The following NDC80 variants were observed in gnomAD, a reference collection of about 807,000 sequenced individuals.
NDC80 encodes NDC80 kinetochore complex component.
A neutral mutation model predicts 89.3 loss-of-function variants in NDC80; 69 were observed. The ratio of observed to expected loss-of-function variants is 0.77; its 90% CI spans 0.64 to 0.94. NDC80 has a LOEUF of 0.94. Ranked by LOEUF, NDC80 falls within the 40% of genes least tolerant of loss-of-function variation. The pLI is 0.00. For missense variants in NDC80, 593 were observed against 739.6 expected (o/e 0.80, Z 2.30); for synonymous variants, 243 against 255.6 (o/e 0.95, Z 0.47).
intron 12 of NDC80, among the ~76,000 whole-genome samples, chr18:2,599,645 T>C (rs553362153): frequency 7.7e-4 from 117 of 152,264 alleles, no homozygotes; most frequent in African/African-American, 2.6e-3. Flanking sequence ...GTACTAAGAA[T>C]ACTGGTAATC....
Position 2,608,682 on chromosome 18 carries a change from G to T in NDC80, c.1558-18G>T, listed in dbSNP as rs141099368. ...TGTGAATATCAAGAAACCCATAACC[G>T]TGACTTTATCCTGATAGGAAGCAGA... is the stretch of plus-strand genomic sequence containing the variant. On this transcript the variant is annotated intron_variant, in intron 14 of 16. Transcript: ENST00000261597. The T allele has an allele frequency of 2.5e-6, 4 of 1,603,220 alleles. No individual in the cohort carries two copies. In the Admixed American group the frequency reaches 5.0e-5, roughly 20 times the overall value.
In NDC80 at chr18:2,579,046, T is replaced by C. The variant is rs1167399375; in HGVS notation, c.579+17T>C. 3 of 1,453,006 alleles carry C rather than the reference T, an allele frequency of 2.1e-6. No homozygotes were observed. Among genetic ancestry groups the C allele is most frequent in the Non-Finnish European group, 1.8e-6 (2 of 1,082,246 alleles). The allele number at this position is 1,453,006 out of a possible 1,614,324, so 90.0% of individuals were successfully genotyped here. A position where few individuals can be genotyped will look rare whatever the true frequency, so the allele number is the denominator to read the frequency against. ...TGCATCAAGGTATTTGATTTGTTCTTTTGAAATGTATACATGGGAAAGGGT... is the reference window on the plus strand; with the variant it reads ...TGCATCAAGGTATTTGATTTGTTCTCTTGAAATGTATACATGGGAAAGGGT... On this transcript the variant is annotated intron_variant, in intron 6 of 16. Transcript: ENST00000261597.
intron 11 of NDC80, among the ~76,000 whole-genome samples, chr18:2,597,490 G>A (rs1337597818): frequency 6.6e-6 from 1 of 152,140 alleles, no homozygotes; most frequent in African/African-American, 2.4e-5. Context: ...CAGCACTTTG[G>A]GAGGCCAAGG....
At chr18:2,610,433 C>G (rs1041022139) in intron 15 of NDC80, among the ~76,000 whole-genome samples, 6 of 152,122 alleles carry the variant, frequency 3.9e-5, no homozygotes, top group African/African-American at 1.4e-4. Flanking sequence ...GACTTCTACT[C>G]CCCCATTTGC....
Position 2,574,968 on chromosome 18 carries a change from TG to T in NDC80, c.102-20del, listed in dbSNP as rs2143628826. ...AATTTTAATTTTTATTTTAAAGAGT[TG>T]TTTTCTATTTTTCTTAAAGCAAAGA... On this transcript the variant is annotated intron_variant, in intron 2 of 16. Transcript: ENST00000261597. 1.3e-6 allele frequency: 2 copies of T among 1,488,020 alleles called. No individual in the cohort carries two copies. Among genetic ancestry groups the T allele is most frequent in the South Asian group, 1.2e-5 (1 of 82,412 alleles). 92.2% of individuals were successfully genotyped at this position (1,488,020 alleles called of 1,614,324 possible). A position where few individuals can be genotyped will look rare whatever the true frequency, so the allele number is the denominator to read the frequency against.
chr18:2,610,786 TGAA>T lies in NDC80; in HGVS notation c.1720_1722del (p.Glu574del). 1 of 1,592,506 alleles carries T rather than the reference TGAA, an allele frequency of 6.3e-7. No homozygotes were observed. Among genetic ancestry groups the T allele is most frequent in the African/African-American group, 1.3e-5 (1 of 74,642 alleles). On this transcript the variant is annotated inframe_deletion, in exon 16 of 17. Coordinates refer to ENST00000261597, the MANE Select transcript of NDC80 (RefSeq NM_006101.3). ...ACCAACTAGTTGTGCAAACCACGACTGAAGAAAGACGAAAAGTGGGAAATAACT... is the reference window on the plus strand; with the variant it reads ...ACCAACTAGTTGTGCAAACCACGACTGAAAGACGAAAAGTGGGAAATAACT...
At chr18:2,575,647 G>C (rs9949008) in intron 3 of NDC80, among the ~76,000 whole-genome samples, 2,375 of 151,206 alleles carry the variant, frequency 0.016, 62 homozygotes, top group African/African-American at 0.055. Context: ...CTTGTAGACC[G>C]GGTGTGGTGG....
At chr18:2,606,964 TAA>T (rs2072715437) in intron 14 of NDC80, among the ~76,000 whole-genome samples, 1 of 152,072 alleles carries the variant, frequency 6.6e-6, no homozygotes, top group East Asian at 1.9e-4. Flanking sequence ...GTGGGTAAAA[TAA>T]AAAGACTGAT....
chr18:2,601,367 T>A, intron 12 of NDC80, 29 bp from the exon 13 acceptor site: 1 of 1,115,844 alleles, frequency 9.0e-7, no homozygotes, highest in Non-Finnish European at 1.3e-6. Context: ...AAATGTTATA[T>A]GTCACCCACA....
chr18:2,580,485 G>T (rs909699619), intron 6 of NDC80, among the ~76,000 whole-genome samples: 1 of 151,936 alleles, frequency 6.6e-6, no homozygotes, highest in Non-Finnish European at 1.5e-5. Context: ...CCCTGACATT[G>T]TCTTGGCCAT....
At chr18:2,575,695 CG>C (rs1431759568) in intron 3 of NDC80, among the ~76,000 whole-genome samples, 1 of 151,886 alleles carries the variant, frequency 6.6e-6, no homozygotes, top group Non-Finnish European at 1.5e-5. Context: ...GAGGCCAAGG[CG>C]GGCAGATCAC....
chr18:2,611,692 G>A (rs530656438), intron 16 of NDC80, among the ~76,000 whole-genome samples: 1 of 152,204 alleles, frequency 6.6e-6, no homozygotes, highest in South Asian at 2.1e-4. Flanking sequence ...CAGAAGCTAA[G>A]ATAAATTGCT....
At chr18:2,580,730 G>GTTTT in intron 6 of NDC80, among the ~76,000 whole-genome samples, 1 of 48,118 alleles carries the variant, frequency 2.1e-5, no homozygotes, top group Non-Finnish European at 5.1e-5. Context: ...CTCACCATCA[G>GTTTT]ATTTTTTTTT....
chr18:2,573,757 A>G (rs1454896129), intron 2 of NDC80, among the ~76,000 whole-genome samples: 1 of 152,172 alleles, frequency 6.6e-6, no homozygotes, highest in Non-Finnish European at 1.5e-5. Context: ...TGAAATATTT[A>G]TATATTTTTC....
intron 6 of NDC80, chr18:2,582,703 T>G (rs1353169118): frequency 2.6e-5 from 4 of 152,248 alleles, no homozygotes; most frequent in African/African-American, 9.6e-5. Flanking sequence ...TTTTGCAGGA[T>G]GTATTGAGAT....
chr18:2,599,497 G>A (rs774238037), intron 12 of NDC80, among the ~76,000 whole-genome samples: 9 of 152,138 alleles, frequency 5.9e-5, no homozygotes, highest in Admixed American at 2.0e-4. Context: ...GAAAAGATCA[G>A]TTCTTCCCAT....
chr18:2,579,585 G>C (rs933858952), intron 6 of NDC80, among the ~76,000 whole-genome samples: 25 of 151,982 alleles, frequency 1.6e-4, no homozygotes, highest in African/African-American at 6.0e-4. Flanking sequence ...GCACCACCAT[G>C]CCTGGCTAAT....
At chr18:2,576,074 A>G (rs1182678206) in intron 3 of NDC80, among the ~76,000 whole-genome samples, 2 of 152,180 alleles carry the variant, frequency 1.3e-5, no homozygotes, top group African/African-American at 2.4e-5. Flanking sequence ...ACTCCAGCCT[A>G]GGCAACAGAG....
chr18:2,580,865 C>T (rs147880867), intron 6 of NDC80, among the ~76,000 whole-genome samples: 9,548 of 150,374 alleles, frequency 0.063, 327 homozygotes, highest in African/African-American at 0.082. Flanking sequence ...CTCAGCCTCC[C>T]GAGTAGCTGG....
Sources: gnomAD v4.1 joint callset for allele counts (sites outside exome capture counted in the v4.1 genomes callset) on GRCh38, gnomAD v4.1.1 for gene constraint, MANE v1.5 for transcripts, NCBI Gene and HGNC (gene_info 2026-07-23, HGNC 2026-07-21) for gene names.